The following ZNF407 variants were observed in gnomAD, a reference collection of about 807,000 sequenced individuals.
The protein encoded by ZNF407 is zinc finger protein 407.
ZNF407 carries 17 observed loss-of-function variants against 131.2 expected under a neutral mutation model. The observed-to-expected ratio is 0.13, with a 90% CI of 0.09 to 0.19. The LOEUF (loss-of-function observed/expected upper bound fraction) is 0.19, where lower values mean the gene tolerates loss of function less well. Among genes scored for constraint, ZNF407 ranks in the 10% least tolerant of loss-of-function variants. The pLI is 1.00. For synonymous variants in ZNF407, 1,156 were observed against 1,062.0 expected (o/e 1.09, Z -1.72); for missense variants, 2,681 against 2,830.6 (o/e 0.95, Z 1.20).
intron 8 of ZNF407, among the ~76,000 whole-genome samples, chr18:75,039,731 T>TC (rs1973350664): frequency 1.3e-5 from 2 of 151,178 alleles, no homozygotes; most frequent in African/African-American, 4.9e-5. Context: ...TTTTTTTTTT[T>TC]TTTTTTTAAT....
At chr18:74,960,182 G>A (rs1972322787) in intron 8 of ZNF407, among the ~76,000 whole-genome samples, 1 of 152,222 alleles carries the variant, frequency 6.6e-6, no homozygotes, top group African/African-American at 2.4e-5. Flanking sequence ...GATGACAAAT[G>A]TAGAGGACTG....
At chr18:74,836,529 C>A (rs1444326034) in intron 4 of ZNF407, among the ~76,000 whole-genome samples, 1 of 152,188 alleles carries the variant, frequency 6.6e-6, no homozygotes, top group Non-Finnish European at 1.5e-5. Flanking sequence ...TGGCACTGGT[C>A]CAGATCTGGC....
intron 8 of ZNF407, among the ~76,000 whole-genome samples, chr18:74,967,160 G>A (rs1972418819): frequency 6.6e-6 from 1 of 152,128 alleles, no homozygotes; most frequent in African/African-American, 2.4e-5. Context: ...AGGCTGAAGT[G>A]GGAGGATCAC....
At chr18:74,764,054 T>C (rs1969173204) in intron 3 of ZNF407, among the ~76,000 whole-genome samples, 1 of 152,044 alleles carries the variant, frequency 6.6e-6, no homozygotes, top group Non-Finnish European at 1.5e-5. Context: ...TTTCTCTCTT[T>C]TTTTTTTAGA....
intron 3 of ZNF407, among the ~76,000 whole-genome samples, chr18:74,657,901 TTTCTTCTTCTTCTTC>T (rs58407278): frequency 1.4e-4 from 20 of 147,778 alleles, no homozygotes; most frequent in South Asian, 8.7e-4. Context: ...CTCCTTTTCC[TTTCTTCTTCTTCTTC>T]TTCTTCTTCT....
intron 3 of ZNF407, among the ~76,000 whole-genome samples, chr18:74,683,884 C>T (rs557180615): frequency 6.6e-6 from 1 of 152,178 alleles, no homozygotes; most frequent in Admixed American, 6.5e-5. Context: ...AATTCTTTTC[C>T]AGAGGTTTAA....
At chr18:74,723,138 C>T (rs1376134377) in intron 3 of ZNF407, among the ~76,000 whole-genome samples, 1 of 152,010 alleles carries the variant, frequency 6.6e-6, no homozygotes, top group Non-Finnish European at 1.5e-5. Context: ...ATTTTTGTTT[C>T]TAAAATTCTC....
At chr18:75,050,211 T>G (rs1383488224) in intron 8 of ZNF407, among the ~76,000 whole-genome samples, 2 of 152,172 alleles carry the variant, frequency 1.3e-5, no homozygotes, top group Non-Finnish European at 2.9e-5. Flanking sequence ...TATAATATAT[T>G]ACTGTTAATA....
intron 8 of ZNF407, among the ~76,000 whole-genome samples, chr18:75,019,592 G>A (rs371001005): frequency 2.0e-5 from 3 of 152,092 alleles, no homozygotes; most frequent in African/African-American, 7.2e-5. Flanking sequence ...TCATCCCTTT[G>A]TCCAGAATAT....
intron 4 of ZNF407, among the ~76,000 whole-genome samples, chr18:74,782,175 A>C (rs1969615488): frequency 6.6e-6 from 1 of 152,156 alleles, no homozygotes; most frequent in Non-Finnish European, 1.5e-5. Context: ...AAGCATTAGT[A>C]CTTTCCTTAA....
chr18:74,770,723 G>A (rs1969343370), intron 3 of ZNF407, among the ~76,000 whole-genome samples: 1 of 152,122 alleles, frequency 6.6e-6, no homozygotes, highest in Non-Finnish European at 1.5e-5. Flanking sequence ...GTGGGTAGGT[G>A]TGTGTTTGTA....
intron 1 of ZNF407, among the ~76,000 whole-genome samples, chr18:74,601,244 A>G (rs1303728549): frequency 2.0e-5 from 3 of 151,752 alleles, no homozygotes; most frequent in African/African-American, 7.3e-5. Flanking sequence ...AGTTGTATGG[A>G]TGAGTCTGCA....
intron 3 of ZNF407, among the ~76,000 whole-genome samples, chr18:74,747,220 A>G (rs1244083256): frequency 1.3e-5 from 2 of 152,164 alleles, no homozygotes; most frequent in Non-Finnish European, 2.9e-5. Flanking sequence ...GCAAAGGAAC[A>G]TATCATTAAC....
At chr18:74,763,196 C>CTTTTTTTTTTTTTTTTTT (rs71170316) in intron 3 of ZNF407, among the ~76,000 whole-genome samples, 1 of 17,784 alleles carries the variant, frequency 5.6e-5, no homozygotes, top group Non-Finnish European at 1.2e-4. Flanking sequence ...TTCTTAGGAC[C>CTTTTTTTTTTTTTTTTTT]TTTTTTTTTT....
chr18:74,970,298 CA>C (rs1972458106), intron 8 of ZNF407, among the ~76,000 whole-genome samples: 1 of 152,138 alleles, frequency 6.6e-6, no homozygotes, highest in South Asian at 2.1e-4. Flanking sequence ...CCTCACATTT[CA>C]AAACCAATCA....
At chr18:74,645,771 G>C (rs910142148) in intron 3 of ZNF407, among the ~76,000 whole-genome samples, 3 of 151,484 alleles carry the variant, frequency 2.0e-5, no homozygotes, top group African/African-American at 7.3e-5. Context: ...GTAAATCATT[G>C]CTTCATAACG....
chr18:74,993,054 A>G (rs1449443565), intron 8 of ZNF407, among the ~76,000 whole-genome samples: 1 of 152,168 alleles, frequency 6.6e-6, no homozygotes, highest in African/African-American at 2.4e-5. Context: ...GGTACAGCCA[A>G]TTTGGAAAAC....
chr18:74,777,438 G>C (rs1033340785), intron 3 of ZNF407, among the ~76,000 whole-genome samples: 1 of 152,062 alleles, frequency 6.6e-6, no homozygotes, highest in East Asian at 1.9e-4. Context: ...ATGGATCTTG[G>C]CCTCAAGCAG....
intron 4 of ZNF407, among the ~76,000 whole-genome samples, chr18:74,852,696 G>A (rs1414551585): frequency 1.3e-5 from 2 of 152,110 alleles, no homozygotes; most frequent in South Asian, 2.1e-4. Context: ...AAGGAAGTGA[G>A]CTTGGGTGCA....
Sources: gnomAD v4.1 joint callset for allele counts (sites outside exome capture counted in the v4.1 genomes callset) on GRCh38, gnomAD v4.1.1 for gene constraint, MANE v1.5 for transcripts, NCBI Gene and HGNC (gene_info 2026-07-23, HGNC 2026-07-21) for gene names.